The following CNTNAP4 variants were observed in gnomAD, a reference collection of about 807,000 sequenced individuals.
CNTNAP4 encodes the protein contactin associated protein family member 4.
CNTNAP4 carries 98 observed loss-of-function variants against 148.4 expected under a neutral mutation model. That is an observed-to-expected ratio of 0.66 (90% CI 0.56 to 0.78). CNTNAP4 has a LOEUF of 0.78. Ranked by LOEUF, CNTNAP4 falls within the 30% of genes least tolerant of loss-of-function variation. CNTNAP4 has a pLI of 0.00. For missense variants in CNTNAP4, 1,935 were observed against 1,565.6 expected (o/e 1.24, Z -3.98); for synonymous variants, 730 against 565.1 (o/e 1.29, Z -4.14).
chr16:76,366,070 CTT>C (rs1040634961), intron 3 of CNTNAP4, among the ~76,000 whole-genome samples: 5 of 151,944 alleles, frequency 3.3e-5, no homozygotes, highest in Non-Finnish European at 7.4e-5. Context: ...AATTTTTTGA[CTT>C]TAAGTTTTTT....
At chr16:76,360,132 G>T (rs1391934476) in intron 3 of CNTNAP4, among the ~76,000 whole-genome samples, 2 of 152,180 alleles carry the variant, frequency 1.3e-5, no homozygotes, top group African/African-American at 4.8e-5. Flanking sequence ...TTGCCTATAT[G>T]AAGTTAGTAT....
chr16:76,362,597 AC>A (rs1043488218), intron 3 of CNTNAP4, among the ~76,000 whole-genome samples: 1 of 152,220 alleles, frequency 6.6e-6, no homozygotes, highest in Non-Finnish European at 1.5e-5. Flanking sequence ...CCAGAAATAA[AC>A]CCATACATCT....
intron 3 of CNTNAP4, among the ~76,000 whole-genome samples, chr16:76,382,806 C>G (rs1370753507): frequency 6.6e-6 from 1 of 152,090 alleles, no homozygotes; most frequent in Non-Finnish European, 1.5e-5. Context: ...AAGACTGGAT[C>G]CAAACTGAGC....
intron 3 of CNTNAP4, among the ~76,000 whole-genome samples, chr16:76,414,364 G>C (rs143310857): frequency 6.6e-6 from 1 of 151,340 alleles, no homozygotes; most frequent in South Asian, 2.1e-4. Context: ...TGCATTCCTG[G>C]AATTAACTCG....
rs79181543 is a variant in CNTNAP4, at chr16:76,455,530, C to G, written c.1333+2761C>G. Among the ~76,000 whole-genome samples, 17 of 152,334 alleles carry G rather than the reference C, an allele frequency of 1.1e-4. No individual in the cohort carries two copies. The East Asian group carries it at 3.3e-3, about 29-fold the overall frequency. On this transcript the variant is annotated intron_variant, in intron 8 of 23. Coordinates refer to ENST00000611870, the MANE Select transcript of CNTNAP4 (RefSeq NM_033401.5). ...TGTTGAAATATTCCTAACTTTCGGG[C>G]TGTAAACCTGTCACCCTTTAAACTT...
intron 21 of CNTNAP4, among the ~76,000 whole-genome samples, chr16:76,552,327 A>G (rs2084987051): frequency 6.6e-6 from 1 of 152,166 alleles, no homozygotes; most frequent in African/African-American, 2.4e-5. Context: ...ATGGGGACAC[A>G]GAGCCAAACC....
rs144648835 is a variant in CNTNAP4, at chr16:76,527,251, T to C, written c.2755+4994T>C. ...AGATTTTGTTCCAGCACATGTCATA[T>C]GTAGAAGGACCCTTCTCCCATTCCC... On this transcript the variant is annotated intron_variant, in intron 17 of 23. Coordinates refer to ENST00000611870, the MANE Select transcript of CNTNAP4 (RefSeq NM_033401.5). Among the ~76,000 whole-genome samples, 109 of 152,306 alleles carry C rather than the reference T, an allele frequency of 7.2e-4. No homozygotes were observed. The Middle Eastern group carries it at 0.01, about 14-fold the overall frequency.
chr16:76,429,996 G>A lies in CNTNAP4; in HGVS notation c.538+2397G>A, dbSNP rs144924217. 3.5e-3 allele frequency among the ~76,000 whole-genome samples: 528 copies of A among 152,260 alleles called. 1 individual carries two copies. Among genetic ancestry groups the A allele is most frequent in the African/African-American group, 0.012 (497 of 41,558 alleles). Reference sequence around the variant, plus strand: ...AGGAGAAAAAGTAATAAACTTAATGGATAAACATTCTTGTAGATAATCAGA... The same window carrying A: ...AGGAGAAAAAGTAATAAACTTAATGAATAAACATTCTTGTAGATAATCAGA... On this transcript the variant is annotated intron_variant, in intron 4 of 23. Transcript: ENST00000611870.
intron 2 of CNTNAP4, among the ~76,000 whole-genome samples, chr16:76,346,178 A>G (rs1964884852): frequency 6.6e-6 from 1 of 152,214 alleles, no homozygotes. Context: ...TGGGAACATA[A>G]TGCTATACGA....
At chr16:76,449,028 T>A in intron 6 of CNTNAP4, 77 bp downstream of exon 6, 2 of 1,323,798 alleles carry the variant, frequency 1.5e-6, no homozygotes, top group Non-Finnish European at 2.1e-6. Flanking sequence ...AAATACACTA[T>A]AAAGAGCCCA....
Position 76,316,441 on chromosome 16 carries a change from C to G in CNTNAP4, c.114C>G (p.Ala38=), listed in dbSNP as rs755987327. The G allele has an allele frequency of 1.9e-6, 3 of 1,613,834 alleles. No individual in the cohort carries two copies. The Admixed American group carries it at 5.0e-5, about 27-fold the overall frequency. The change falls in exon 2 of 24, where the codon GCC becomes GCG. Residue 38 remains alanine (A), a synonymous_variant. Coordinates refer to ENST00000611870, the MANE Select transcript of CNTNAP4 (RefSeq NM_033401.5). The part of the protein sequence containing the change: ...SYDCDDPLVS[A]LPQASFSSSS... ...ACTGTGATGATCCTCTTGTGTCTGCCTTGCCTCAGGCATCCTTCAGCAGTT... is the reference window on the plus strand; with the variant it reads ...ACTGTGATGATCCTCTTGTGTCTGCGTTGCCTCAGGCATCCTTCAGCAGTT...
At chr16:76,452,830 G>C (rs1261082619) in intron 8 of CNTNAP4, 61 bp downstream of exon 8, 42 of 1,425,182 alleles carry the variant, frequency 2.9e-5, no homozygotes, top group African/African-American at 7.3e-5. Context: ...TATCTCTGTG[G>C]CCAAATTTTA....
chr16:76,382,839 G>A (rs186394564), intron 3 of CNTNAP4, among the ~76,000 whole-genome samples: 245 of 151,988 alleles, frequency 1.6e-3, no homozygotes, highest in African/African-American at 5.7e-3. Flanking sequence ...AAATAAATTG[G>A]GATTACTTTA....
At chr16:76,421,808 T>C (rs750937487) in intron 3 of CNTNAP4, among the ~76,000 whole-genome samples, 1 of 152,166 alleles carries the variant, frequency 6.6e-6, no homozygotes, top group Non-Finnish European at 1.5e-5. Context: ...CATGTTTCCC[T>C]GTTTCTTTGT....
intron 7 of CNTNAP4, among the ~76,000 whole-genome samples, chr16:76,451,598 G>GGTGTGTGTGTGT (rs2080473394): frequency 2.3e-5 from 1 of 43,712 alleles, no homozygotes; most frequent in African/African-American, 4.6e-5. Flanking sequence ...ATTTTAGATA[G>GGTGTGTGTGTGT]ATGTGTGTGT....
chr16:76,293,557 GAATT>G (rs1355801164), intron 1 of CNTNAP4, among the ~76,000 whole-genome samples: 2 of 152,072 alleles, frequency 1.3e-5, no homozygotes, highest in African/African-American at 4.8e-5. Context: ...ATTTCAGAGG[GAATT>G]AATTAATTTG....
intron 2 of CNTNAP4, among the ~76,000 whole-genome samples, chr16:76,350,866 A>C (rs2011637186): frequency 6.6e-6 from 1 of 152,166 alleles, no homozygotes; most frequent in Non-Finnish European, 1.5e-5. Flanking sequence ...TTCCATTTGA[A>C]TAGATTTATG....
At chr16:76,499,728 C>T (rs2082550127) in intron 15 of CNTNAP4, among the ~76,000 whole-genome samples, 4 of 150,238 alleles carry the variant, frequency 2.7e-5, no homozygotes, top group Admixed American at 2.7e-4. Context: ...GTTTGTGTCC[C>T]TGGGTACTTG....
intron 21 of CNTNAP4, among the ~76,000 whole-genome samples, chr16:76,547,428 T>G (rs1367636026): frequency 2.0e-5 from 3 of 152,170 alleles, no homozygotes; most frequent in East Asian, 1.9e-4. Flanking sequence ...TGAATGAAAT[T>G]TATAATTACT....
Sources: allele counts gnomAD v4.1 joint callset (sites outside exome capture counted in the v4.1 genomes callset), GRCh38; gene constraint gnomAD v4.1.1; transcripts MANE v1.5; gene names NCBI Gene and HGNC (gene_info 2026-07-23, HGNC 2026-07-21).